Variants in CRISPLD2 observed in about 807,000 individuals in gnomAD.
CRISPLD2 encodes the protein cysteine-rich secretory protein LCCL domain-containing 2.
CRISPLD2 carries 47 observed loss-of-function variants against 71.1 expected under a neutral mutation model. The ratio of observed to expected loss-of-function variants is 0.66; its 90% CI spans 0.52 to 0.84. The LOEUF is 0.84. Among genes scored for constraint, CRISPLD2 ranks in the 40% least tolerant of loss-of-function variants. The pLI, the probability that CRISPLD2 is intolerant of heterozygous loss-of-function variation, is 0.00. For synonymous variants in CRISPLD2, 317 were observed against 250.1 expected (o/e 1.27, Z -2.52); for missense variants, 830 against 651.1 (o/e 1.27, Z -2.99).
chr16:84,855,186 C>T (rs1467164817), intron 6 of CRISPLD2, among the ~76,000 whole-genome samples: 1 of 152,196 alleles, frequency 6.6e-6, no homozygotes, highest in Non-Finnish European at 1.5e-5. Flanking sequence ...TCGTGGCTCA[C>T]ACCTGTAATC....
chr16:84,878,348 C>T (rs1476889844), intron 12 of CRISPLD2, among the ~76,000 whole-genome samples: 1 of 152,220 alleles, frequency 6.6e-6, no homozygotes, highest in African/African-American at 2.4e-5. Flanking sequence ...GTCCCTCTCC[C>T]TCCAGCTCCC....
rs8061351 is a variant in CRISPLD2 at position 84,849,496 on chromosome 16, C to T, written c.471C>T (p.Pro157=). The change falls in exon 4 of 15, where the codon CCC becomes CCT. Residue 157 remains proline, a synonymous_variant. Coordinates refer to ENST00000262424, the MANE Select transcript of CRISPLD2 (RefSeq NM_031476.4). ...GGTGTCCAGAGAGGTGCTCGGGGCCCATGTGCACGCACTACACACAGGTAA... is the reference window on the plus strand; with the variant it reads ...GGTGTCCAGAGAGGTGCTCGGGGCCTATGTGCACGCACTACACACAGGTAA... The part of the protein sequence containing the change: ...NPWCPERCSG[P]MCTHYTQIVW... 0.72 allele frequency: 1,155,874 copies of T among 1,613,702 alleles called. 420,683 individuals are homozygous for T. Among genetic ancestry groups the T allele is most frequent in the South Asian group, 0.76 (69,031 of 91,074 alleles).
chr16:84,863,683 G>A (rs1054705990), intron 6 of CRISPLD2, among the ~76,000 whole-genome samples: 1 of 152,152 alleles, frequency 6.6e-6, no homozygotes, highest in Admixed American at 6.5e-5. Flanking sequence ...GAAAATGCTG[G>A]GGATGGCCGG....
chr16:84,892,421 A>G (rs1348762148), intron 14 of CRISPLD2, among the ~76,000 whole-genome samples: 1 of 152,120 alleles, frequency 6.6e-6, no homozygotes, highest in African/African-American at 2.4e-5. Flanking sequence ...CCTGGGGGAG[A>G]GTGCAGAGCC....
At chr16:84,890,542 C>G (rs1390466237) in intron 14 of CRISPLD2, among the ~76,000 whole-genome samples, 1 of 152,122 alleles carries the variant, frequency 6.6e-6, no homozygotes. Context: ...TCCCAGGGAG[C>G]AGATCCTCCC....
intron 14 of CRISPLD2, among the ~76,000 whole-genome samples, chr16:84,896,151 C>T (rs2071703862): frequency 6.6e-6 from 1 of 151,772 alleles, no homozygotes; most frequent in Non-Finnish European, 1.5e-5. Context: ...GATTATCCTG[C>T]CTCAGCCTCC....
intron 10 of CRISPLD2, 49 bp downstream of exon 10, chr16:84,873,171 A>G: frequency 6.3e-7 from 1 of 1,577,382 alleles, no homozygotes; most frequent in Non-Finnish European, 8.6e-7. Context: ...CCTGTTTATG[A>G]CGGTGTTGTT....
intron 7 of CRISPLD2, 59 bp downstream of exon 7, chr16:84,867,099 G>A (rs1395849515): frequency 7.7e-6 from 12 of 1,564,978 alleles, no homozygotes; most frequent in Admixed American, 1.8e-5. Flanking sequence ...AAGGGGACGG[G>A]GTGGGTGGAG....
At chr16:84,851,207 C>T (rs890122813) in intron 5 of CRISPLD2, among the ~76,000 whole-genome samples, 2 of 152,222 alleles carry the variant, frequency 1.3e-5, no homozygotes, top group African/African-American at 4.8e-5. Context: ...CTAGAAAACA[C>T]ATGTTCACAC....
chr16:84,855,350 C>T (rs551746917), intron 6 of CRISPLD2, among the ~76,000 whole-genome samples: 1 of 152,156 alleles, frequency 6.6e-6, no homozygotes, highest in East Asian at 1.9e-4. Flanking sequence ...CACAATAGGC[C>T]ATCTGCAAGT....
chr16:84,877,620 C>T (rs954865789), intron 12 of CRISPLD2, 110 bp downstream of exon 12: 24 of 875,670 alleles, frequency 2.7e-5, no homozygotes, highest in East Asian at 6.3e-5. Flanking sequence ...GAGGCCGAGG[C>T]GGGTGGATCA....
At chr16:84,849,184 C>T (rs1917003488) in intron 3 of CRISPLD2, 1 of 561,974 alleles carries the variant, frequency 1.8e-6, no homozygotes, top group African/African-American at 1.9e-5. Context: ...TCCCTCCTCG[C>T]TGCCCGTGGC....
At chr16:84,884,978 C>T (rs577046222) in intron 13 of CRISPLD2, among the ~76,000 whole-genome samples, 16 of 152,316 alleles carry the variant, frequency 1.1e-4, no homozygotes, top group African/African-American at 3.6e-4. Context: ...GGGCCTTGCT[C>T]CTGGTACTGC....
intron 4 of CRISPLD2, 89 bp from the exon 5 acceptor site, chr16:84,850,479 G>A (rs867736433): frequency 2.0e-6 from 2 of 1,005,456 alleles, no homozygotes; most frequent in Non-Finnish European, 3.2e-6. Context: ...TACCTCTTTA[G>A]TGCCAGCACC....
chr16:84,882,226 T>A lies in CRISPLD2; in HGVS notation c.1305+1642T>A, dbSNP rs148355057. Reference sequence around the variant, plus strand: ...ATATTCCTCTCTGAAAAAGTGGAATTTAAAGTTAAATGTACTGAATGAGAC... The same window carrying A: ...ATATTCCTCTCTGAAAAAGTGGAATATAAAGTTAAATGTACTGAATGAGAC... On this transcript the variant is annotated intron_variant, in intron 13 of 14. Coordinates refer to ENST00000262424, the MANE Select transcript of CRISPLD2 (RefSeq NM_031476.4). Among the ~76,000 whole-genome samples, 88 of 151,928 alleles carry A rather than the reference T, an allele frequency of 5.8e-4. 3 individuals are homozygous for A. In the East Asian group the frequency reaches 0.017, roughly 29 times the overall value.
rs777328564 is a variant in CRISPLD2 at position 84,849,385 on chromosome 16, G to T, written c.360G>T (p.Arg120Ser). 1.9e-6 allele frequency: 3 copies of T among 1,612,434 alleles called. No individual in the cohort carries two copies. The South Asian group carries it at 3.3e-5, about 18-fold the overall frequency. The change falls in exon 4 of 15, where the codon AGG (arginine) becomes AGT (serine). Residue 120 changes from arginine (R) to serine (S), a missense_variant and splice_region_variant. Physicochemically the swap from Arg to Ser is moderately radical, Grantham distance 110. Coordinates refer to ENST00000262424, the MANE Select transcript of CRISPLD2 (RefSeq NM_031476.4). ...TGAGTGAGCGGTTTCTGCCCTGCAG[G>T]TATCGCTCTCCGGGGTTCCATGTGC... is the stretch of plus-strand genomic sequence containing the variant. ...IGQNLGAHWG[R>S]YRSPGFHVQS...
At chr16:84,857,766 T>G (rs1917280935) in intron 6 of CRISPLD2, among the ~76,000 whole-genome samples, 1 of 152,184 alleles carries the variant, frequency 6.6e-6, no homozygotes, top group South Asian at 2.1e-4. Context: ...AGGCCATTGG[T>G]ACAGGCTGGG....
At chr16:84,851,339 C>G (rs1043886784) in intron 5 of CRISPLD2, among the ~76,000 whole-genome samples, 3 of 152,214 alleles carry the variant, frequency 2.0e-5, no homozygotes, top group Non-Finnish European at 4.4e-5. Context: ...GACTCATTTG[C>G]TCATGGGACA....
intron 12 of CRISPLD2, among the ~76,000 whole-genome samples, chr16:84,878,486 C>T (rs77770259): frequency 0.011 from 1,608 of 152,312 alleles, 32 homozygotes; most frequent in African/African-American, 0.032. Context: ...GTGTTGGAGA[C>T]TCAGCCGTGT....
Sources: allele counts gnomAD v4.1 joint callset (sites outside exome capture counted in the v4.1 genomes callset), GRCh38; gene constraint gnomAD v4.1.1; transcripts MANE v1.5; gene names NCBI Gene and HGNC (gene_info 2026-07-23, HGNC 2026-07-21).